Variants in ANGPT2 observed in about 807,000 individuals in gnomAD.
The protein encoded by ANGPT2 is angiopoietin-2.
Under a neutral mutation model 62.9 loss-of-function variants are expected in ANGPT2, and 28 were observed. The ratio of observed to expected loss-of-function variants is 0.44; its 90% confidence interval spans 0.33 to 0.61. ANGPT2 has a LOEUF of 0.61. Ranked by LOEUF, ANGPT2 falls within the 20% of genes least tolerant of loss-of-function variation. The probability of loss-of-function intolerance (pLI) is 0.03; values close to 1 mark genes in which losing one functional copy is unlikely to be tolerated. For synonymous variants in ANGPT2, 284 were observed against 207.8 expected, an observed-to-expected ratio of 1.37 and a Z score of -3.15; for missense variants, 727 against 594.9, an observed-to-expected ratio of 1.22 and a Z score of -2.31.
chr8:6,562,552 CTTTTTTTTTTT>C lies in ANGPT2; in HGVS notation c.288+84_288+94del. On this transcript the variant is annotated intron_variant, in intron 1 of 8. Transcript: ENST00000629816. ...AGCTCTAATCCTCTTCATCCTCCTT[CTTTTTTTTTTT>C]TTTTTTTTGGTTGTTAAAACCTGAG... 4.2e-5 allele frequency: 3 copies of C among 71,568 alleles called. 1 individual carries two copies. Among genetic ancestry groups the C allele is most frequent in the Non-Finnish European group, 2.6e-5 (1 of 38,488 alleles). The allele number at this position is 71,568 out of a possible 1,614,324, so 4.4% of individuals were successfully genotyped here.
intron 7 of ANGPT2, among the ~76,000 whole-genome samples, chr8:6,512,714 C>A (rs1464264892): frequency 6.6e-6 from 1 of 152,176 alleles, no homozygotes. Context: ...CATTGCTGTT[C>A]TCTCTCTCTA....
intron 1 of ANGPT2, among the ~76,000 whole-genome samples, chr8:6,549,624 T>A (rs116217351): frequency 0.011 from 1,655 of 149,778 alleles, 37 homozygotes; most frequent in African/African-American, 0.039. Context: ...GTTACACAGG[T>A]GCGCACAGAT....
chr8:6,504,432 C>G (rs1395550354), intron 8 of ANGPT2, among the ~76,000 whole-genome samples: 1 of 152,036 alleles, frequency 6.6e-6, no homozygotes, highest in Non-Finnish European at 1.5e-5. Flanking sequence ...ATAATCTCCT[C>G]TATCCAGTGG....
intron 3 of ANGPT2, among the ~76,000 whole-genome samples, chr8:6,525,353 C>G (rs1328277113): frequency 6.6e-6 from 1 of 152,120 alleles, no homozygotes; most frequent in Non-Finnish European, 1.5e-5. Context: ...CCTCAGCCAT[C>G]CAAATAGGAG....
chr8:6,516,954 A>G (rs751421221), intron 5 of ANGPT2, among the ~76,000 whole-genome samples: 1 of 152,232 alleles, frequency 6.6e-6, no homozygotes, highest in Non-Finnish European at 1.5e-5. Flanking sequence ...TGATTCCATT[A>G]GTGATGATGA....
At chr8:6,539,561 C>A (rs1382764566) in intron 1 of ANGPT2, among the ~76,000 whole-genome samples, 1 of 152,096 alleles carries the variant, frequency 6.6e-6, no homozygotes, top group Non-Finnish European at 1.5e-5. Flanking sequence ...CTGATCTAGC[C>A]TTTTTGCTTT....
At chr8:6,540,834 G>A (rs1821418340) in intron 1 of ANGPT2, among the ~76,000 whole-genome samples, 1 of 152,268 alleles carries the variant, frequency 6.6e-6, no homozygotes, top group Admixed American at 6.5e-5. Flanking sequence ...GGGCGCCGCA[G>A]GGTGGTTCGC....
Position 6,523,800 on chromosome 8 carries a change from G to A in ANGPT2, c.567-2390C>T, listed in dbSNP as rs546354826. Among the ~76,000 whole-genome samples the A allele has an allele frequency of 1.8e-4, 27 of 152,034 alleles. No homozygotes were observed. In the South Asian group the frequency reaches 5.6e-3, roughly 32 times the overall value. ...GACGTGGTTTCATTATGTTGTCCAG[G>A]CTGGTCTCGAACTCCTGACTTCCTG... On this transcript the variant is annotated intron_variant, in intron 3 of 8. Coordinates refer to ENST00000629816, the MANE Select transcript of ANGPT2 (RefSeq NM_001118887.2).
At chr8:6,526,442 A>G (rs1406988738) in intron 3 of ANGPT2, among the ~76,000 whole-genome samples, 1 of 152,084 alleles carries the variant, frequency 6.6e-6, no homozygotes, top group East Asian at 1.9e-4. Context: ...CTCAAAAAAA[A>G]AACACAGAAA....
chr8:6,521,177 C>G lies in ANGPT2; in HGVS notation c.799+1G>C. 1 of 1,610,190 alleles carries G rather than the reference C, an allele frequency of 6.2e-7. No homozygotes were observed. The highest frequency in any genetic ancestry group is 8.5e-7 in the Non-Finnish European group (1 of 1,177,014). On this transcript the variant is annotated splice_donor_variant, in intron 4 of 8. Transcript: ENST00000629816. LOFTEE classifies it high-confidence loss of function. ...GAAGAAAGCATGATATGTAAACTTA[C>G]AGTTTGATGTGGACATCATAGTCAG...
intron 2 of ANGPT2, among the ~76,000 whole-genome samples, chr8:6,528,910 C>G (rs1355492905): frequency 3.3e-5 from 5 of 152,188 alleles, no homozygotes; most frequent in African/African-American, 1.2e-4. Context: ...GAATAAAGTC[C>G]TTGGCCAACG....
rs779574939 is a variant in ANGPT2, at chr8:6,509,090, A to T, written c.1197-28T>A. Reference sequence around the variant, plus strand: ...GTAAGCGTGCAAAGAAAAAAAACACATTGGCTAGGGTCATTGATTTACCGT... The same window carrying T: ...GTAAGCGTGCAAAGAAAAAAAACACTTTGGCTAGGGTCATTGATTTACCGT... On this transcript the variant is annotated intron_variant, in intron 7 of 8. Transcript: ENST00000629816. The T allele has an allele frequency of 4.3e-6, 7 of 1,609,980 alleles. No individual in the cohort carries two copies. The South Asian group carries it at 6.6e-5, about 15-fold the overall frequency.
chr8:6,543,337 G>A (rs983034437), intron 1 of ANGPT2, among the ~76,000 whole-genome samples: 2 of 152,170 alleles, frequency 1.3e-5, no homozygotes, highest in Admixed American at 6.5e-5. Flanking sequence ...CTCAGTATGG[G>A]TGATGGCTCT....
At chr8:6,549,350 G>C (rs1238617507) in intron 1 of ANGPT2, among the ~76,000 whole-genome samples, 2 of 152,248 alleles carry the variant, frequency 1.3e-5, no homozygotes, top group Non-Finnish European at 2.9e-5. Flanking sequence ...CCAAAAAGGA[G>C]TATGTACTGA....
At chr8:6,515,898 T>A (rs905301077) in intron 5 of ANGPT2, among the ~76,000 whole-genome samples, 1 of 152,214 alleles carries the variant, frequency 6.6e-6, no homozygotes, top group South Asian at 2.1e-4. Flanking sequence ...AAGAGAGTGC[T>A]ATTCCTGTTC....
At chr8:6,508,473 TGTAA>T in intron 8 of ANGPT2, 1 of 185,664 alleles carries the variant, frequency 5.4e-6, no homozygotes, top group Non-Finnish European at 1.1e-5. Context: ...AGACTGTGTC[TGTAA>T]ATAAATAAAT....
At chr8:6,504,314 G>T (rs532395390) in intron 8 of ANGPT2, among the ~76,000 whole-genome samples, 92 of 55,114 alleles carry the variant, frequency 1.7e-3, no homozygotes, top group African/African-American at 7.6e-3. Flanking sequence ...TGAGACTCCA[G>T]CTCAAAAAAA....
rs1375068007 is a variant in ANGPT2, at chr8:6,532,329, T to C, written c.444+3A>G. 3 of 1,614,062 alleles carry C rather than the reference T, an allele frequency of 1.9e-6. No homozygotes were observed. Among genetic ancestry groups the C allele is most frequent in the Non-Finnish European group, 2.5e-6 (3 of 1,180,036 alleles). ...ACCGTGTGCTTTATGTGGCATTACT[T>C]ACTTGGGCTTCCACATCAGTTAACT... is the stretch of plus-strand genomic sequence containing the variant. On this transcript the variant is annotated splice_donor_region_variant and intron_variant, in intron 2 of 8. Transcript: ENST00000629816.
chr8:6,555,710 G>A (rs138827599), intron 1 of ANGPT2, among the ~76,000 whole-genome samples: 13 of 152,150 alleles, frequency 8.5e-5, no homozygotes, highest in Non-Finnish European at 1.5e-4. Flanking sequence ...CGACCCACCC[G>A]CTTCGGCCTC....
Sources: allele counts gnomAD v4.1 joint callset (sites outside exome capture counted in the v4.1 genomes callset), GRCh38; gene constraint gnomAD v4.1.1; transcripts MANE v1.5; gene names NCBI Gene and HGNC (gene_info 2026-07-23, HGNC 2026-07-21).